Variants in HECW2 observed in about 807,000 individuals in gnomAD.
The protein encoded by HECW2 is HECT, C2 and WW domain containing E3 ubiquitin protein ligase 2, also known as E3 ubiquitin-protein ligase HECW2.
In HECW2, 61 loss-of-function variants were observed where a neutral mutation model predicts 175.2. The ratio of observed to expected loss-of-function variants is 0.35; its 90% confidence interval spans 0.28 to 0.43. The LOEUF (loss-of-function observed/expected upper bound fraction) is 0.43. Ranked by LOEUF, HECW2 falls within the 20% of genes least tolerant of loss-of-function variation. The pLI, the probability that HECW2 is intolerant of heterozygous loss-of-function variation, is 1.00. For synonymous variants in HECW2, 671 were observed against 731.0 expected (o/e 0.92, Z 1.32); for missense variants, 1,524 against 2,000.5 (o/e 0.76, Z 4.54).
chr2:196,349,119 T>G (rs544804215), intron 2 of HECW2, among the ~76,000 whole-genome samples: 1 of 152,320 alleles, frequency 6.6e-6, no homozygotes, highest in East Asian at 1.9e-4. Flanking sequence ...ATTTAACCTT[T>G]TTCTCTAGAG....
intron 19 of HECW2, among the ~76,000 whole-genome samples, chr2:196,253,165 A>T (rs1233559506): frequency 6.6e-6 from 1 of 152,232 alleles, no homozygotes; most frequent in Non-Finnish European, 1.5e-5. Flanking sequence ...CATGTTATAT[A>T]CCAAAGAACA....
chr2:196,501,881 T>C (rs1687589567), intron 1 of HECW2, among the ~76,000 whole-genome samples: 2 of 152,208 alleles, frequency 1.3e-5, no homozygotes, highest in African/African-American at 4.8e-5. Flanking sequence ...AAGCAGTATA[T>C]AATATTTTCC....
intron 2 of HECW2, among the ~76,000 whole-genome samples, chr2:196,423,791 T>C (rs1481888571): frequency 1.3e-5 from 2 of 151,760 alleles, no homozygotes; most frequent in African/African-American, 2.4e-5. Flanking sequence ...TTATAAATAG[T>C]GCTGCAATAA....
At chr2:196,244,826 G>A (rs1302163551) in intron 19 of HECW2, among the ~76,000 whole-genome samples, 1 of 152,164 alleles carries the variant, frequency 6.6e-6, no homozygotes, top group Non-Finnish European at 1.5e-5. Flanking sequence ...GGAGTAAATG[G>A]GAAATGAAAT....
intron 1 of HECW2, among the ~76,000 whole-genome samples, chr2:196,518,352 A>G (rs1167774169): frequency 6.6e-6 from 1 of 152,148 alleles, no homozygotes; most frequent in Non-Finnish European, 1.5e-5. Flanking sequence ...GCTTCTGTGC[A>G]TCACCTTAAA....
At chr2:196,494,005 C>T (rs1687294548) in intron 1 of HECW2, among the ~76,000 whole-genome samples, 1 of 152,182 alleles carries the variant, frequency 6.6e-6, no homozygotes, top group South Asian at 2.1e-4. Flanking sequence ...AAGGGTGTGA[C>T]TAACCTGCTC....
chr2:196,574,668 T>A (rs970306468), intron 1 of HECW2, among the ~76,000 whole-genome samples: 1 of 152,106 alleles, frequency 6.6e-6, no homozygotes, highest in Non-Finnish European at 1.5e-5. Flanking sequence ...TTTACAGAAA[T>A]TTTAAAATAT....
At chr2:196,511,579 T>C (rs1010569842) in intron 1 of HECW2, among the ~76,000 whole-genome samples, 2 of 152,228 alleles carry the variant, frequency 1.3e-5, no homozygotes, top group African/African-American at 2.4e-5. Flanking sequence ...TACAGTCTGG[T>C]ATTAAATAAA....
At chr2:196,504,295 C>CAA (rs371882295) in intron 1 of HECW2, among the ~76,000 whole-genome samples, 14,639 of 93,926 alleles carry the variant, frequency 0.16, 1,127 homozygotes, top group Middle Eastern at 0.23. Flanking sequence ...AACTCTGTCT[C>CAA]AAAAAAAAAA....
intron 2 of HECW2, among the ~76,000 whole-genome samples, chr2:196,403,248 T>TA (rs11374183): frequency 0.26 from 38,868 of 151,912 alleles, 5,310 homozygotes; most frequent in African/African-American, 0.34. Flanking sequence ...AACTAAATGC[T>TA]GTATTTTGAT....
chr2:196,476,250 C>A (rs994967673), intron 1 of HECW2, among the ~76,000 whole-genome samples: 1 of 152,000 alleles, frequency 6.6e-6, no homozygotes, highest in Non-Finnish European at 1.5e-5. Context: ...TTGAGACCAG[C>A]CTGGCCAACA....
At chr2:196,234,671 G>A (rs1372636117) in intron 21 of HECW2, among the ~76,000 whole-genome samples, 1 of 152,118 alleles carries the variant, frequency 6.6e-6, no homozygotes, top group Admixed American at 6.6e-5. Context: ...ACTGGAGAAT[G>A]TGCAGTATAA....
At chr2:196,402,642 C>G (rs1694852311) in intron 2 of HECW2, among the ~76,000 whole-genome samples, 3 of 152,042 alleles carry the variant, frequency 2.0e-5, no homozygotes, top group African/African-American at 4.8e-5. Context: ...CACAGTATAC[C>G]TTTAACAATA....
intron 2 of HECW2, among the ~76,000 whole-genome samples, chr2:196,369,013 C>T (rs1693832791): frequency 1.3e-5 from 2 of 152,082 alleles, no homozygotes; most frequent in African/African-American, 2.4e-5. Context: ...TCATGTTTTC[C>T]TGGGTGGTCT....
At chr2:196,521,353 A>G (rs956592337) in intron 1 of HECW2, among the ~76,000 whole-genome samples, 13 of 150,624 alleles carry the variant, frequency 8.6e-5, no homozygotes, top group African/African-American at 3.2e-4. Context: ...ACCTAATTTT[A>G]TACAGAAAAT....
At chr2:196,325,926 A>G (rs574791115) in intron 5 of HECW2, among the ~76,000 whole-genome samples, 3 of 152,320 alleles carry the variant, frequency 2.0e-5, no homozygotes, top group Non-Finnish European at 4.4e-5. Context: ...ATGTTTTTCC[A>G]TGGTCAGGCT....
chr2:196,470,462 T>C (rs1031227924), intron 1 of HECW2, among the ~76,000 whole-genome samples: 3 of 152,250 alleles, frequency 2.0e-5, no homozygotes, highest in African/African-American at 7.2e-5. Context: ...ACTTTGTGGA[T>C]GCTAAACTTT....
intron 1 of HECW2, among the ~76,000 whole-genome samples, chr2:196,450,029 G>A (rs1417382255): frequency 6.6e-6 from 1 of 152,160 alleles, no homozygotes; most frequent in Non-Finnish European, 1.5e-5. Context: ...AAGTATGGGG[G>A]CCTTGGTGGT....
chr2:196,302,149 T>C (rs1274953639), intron 13 of HECW2, among the ~76,000 whole-genome samples: 2 of 152,212 alleles, frequency 1.3e-5, no homozygotes, highest in Non-Finnish European at 2.9e-5. Flanking sequence ...GAATCAATCC[T>C]TTCCCCAATG....
Sources: allele counts gnomAD v4.1 joint callset (sites outside exome capture counted in the v4.1 genomes callset), GRCh38; gene constraint gnomAD v4.1.1; transcripts MANE v1.5; gene names NCBI Gene and HGNC (gene_info 2026-07-23, HGNC 2026-07-21).